The following ARHGAP23 variants were observed in gnomAD, a reference collection of about 807,000 sequenced individuals.
The protein encoded by ARHGAP23 is rho GTPase-activating protein 23.
A neutral mutation model predicts 136.3 loss-of-function variants in ARHGAP23; 34 were observed. The observed-to-expected ratio is 0.25, with a 90% CI of 0.19 to 0.33. The LOEUF (loss-of-function observed/expected upper bound fraction) is 0.33, where lower values mean the gene tolerates loss of function less well. Ranked by LOEUF, ARHGAP23 falls within the 10% of genes least tolerant of loss-of-function variation. The pLI is 1.00. For missense variants in ARHGAP23, 1,808 were observed against 2,139.0 expected, an observed-to-expected ratio of 0.85 and a Z score of 3.05; for synonymous variants, 832 against 920.5, an observed-to-expected ratio of 0.90 and a Z score of 1.74.
At chr17:38,500,783 C>T in intron 23 of ARHGAP23, 155 bp downstream of exon 23, 1 of 710,600 alleles carries the variant, frequency 1.4e-6, no homozygotes, top group Non-Finnish European at 2.4e-6. Context: ...CCAAGGTAAG[C>T]TGAGAAATTG....
At chr17:38,504,978 C>CTTTTTTTTTTTTTTTTTTTTTTTTTT in intron 23 of ARHGAP23, among the ~76,000 whole-genome samples, 1 of 43,112 alleles carries the variant, frequency 2.3e-5, no homozygotes, top group Non-Finnish European at 4.9e-5. Context: ...CCCTTATCAT[C>CTTTTTTTTTTTTTTTTTTTTTTTTTT]TTTTTTTTTT....
intron 16 of ARHGAP23, among the ~76,000 whole-genome samples, chr17:38,485,211 C>T (rs1225678817): frequency 3.3e-5 from 5 of 152,122 alleles, no homozygotes; most frequent in African/African-American, 1.2e-4. Context: ...TTGACATCAT[C>T]CCTGGCCTCG....
chr17:38,507,937 G>A (rs1317784673), intron 23 of ARHGAP23, among the ~76,000 whole-genome samples: 1 of 152,268 alleles, frequency 6.6e-6, no homozygotes, highest in Admixed American at 6.5e-5. Flanking sequence ...CTGTGAGGAG[G>A]GGTTGAAAGG....
upstream of ARHGAP23, among the ~76,000 whole-genome samples, chr17:38,426,550 C>CAAAAAAAAAA (rs751365956): frequency 5.7e-3 from 294 of 51,194 alleles, 16 homozygotes; most frequent in African/African-American, 0.02. Context: ...AACTCCATCT[C>CAAAAAAAAAA]AAAAAAAAAA....
At position 38,479,800 on chromosome 17, in the gene ARHGAP23, G is replaced by T; in HGVS notation, c.2546G>T (p.Gly849Val). The change falls in exon 14 of 24, where the codon GGC becomes GTC. Residue 849 changes from glycine to valine, a missense_variant. Coordinates refer to ENST00000622683, the MANE Select transcript of ARHGAP23 (RefSeq NM_001199417.2). Reference sequence around the variant, plus strand: ...GATTCCTCCCCCAAAGGCTCTCGCGGCCTGGGGGGCCTCAAGTCTGAGTTC... The same window carrying T: ...GATTCCTCCCCCAAAGGCTCTCGCGTCCTGGGGGGCCTCAAGTCTGAGTTC... Reference protein sequence around the residue: ...KADSSPKGSRGLGGLKSEFLK... With the variant: ...KADSSPKGSRVLGGLKSEFLK... 1 of 1,522,430 alleles carries T rather than the reference G, an allele frequency of 6.6e-7. No homozygotes were observed. Among genetic ancestry groups the T allele is most frequent in the Non-Finnish European group, 8.8e-7 (1 of 1,132,470 alleles). 94.3% of individuals were successfully genotyped at this position (1,522,430 alleles called of 1,614,324 possible).
chr17:38,481,153 T>A (rs2144716029), intron 14 of ARHGAP23, among the ~76,000 whole-genome samples: 1 of 151,518 alleles, frequency 6.6e-6, no homozygotes, highest in African/African-American at 2.4e-5. Context: ...TTTTTTTTTT[T>A]TATTTTTTTT....
At chr17:38,475,862 T>C (rs2039880949) in intron 11 of ARHGAP23, among the ~76,000 whole-genome samples, 1 of 151,838 alleles carries the variant, frequency 6.6e-6, no homozygotes, top group Non-Finnish European at 1.5e-5. Flanking sequence ...GAGGGAAAAA[T>C]ATGGCCAGAG....
At chr17:38,443,285 G>A (rs987726005) in intron 1 of ARHGAP23, among the ~76,000 whole-genome samples, 1 of 152,212 alleles carries the variant, frequency 6.6e-6, no homozygotes, top group Non-Finnish European at 1.5e-5. Context: ...CAGGTGGTGG[G>A]TGCTGGGTGC....
intron 1 of ARHGAP23, chr17:38,454,044 C>G (rs555637438): frequency 1.4e-5 from 2 of 148,056 alleles, no homozygotes; most frequent in East Asian, 2.0e-4. Flanking sequence ...GGGAGCGCGC[C>G]GTCGGCGTGG....
intron 1 of ARHGAP23, among the ~76,000 whole-genome samples, chr17:38,454,485 A>AGG (rs2039277667): frequency 6.6e-6 from 1 of 152,092 alleles, no homozygotes; most frequent in South Asian, 2.1e-4. Context: ...ATGGGTGGGC[A>AGG]GGGACCCCGA....
chr17:38,491,748 G>A (rs61701255), intron 20 of ARHGAP23: 139,518 of 650,808 alleles, frequency 0.21, 15,748 homozygotes, highest in East Asian at 0.32. Flanking sequence ...GCCCTGGGAT[G>A]TTGTGTCCCC....
chr17:38,471,268 G>A (rs1369828376), intron 10 of ARHGAP23, among the ~76,000 whole-genome samples: 1 of 152,214 alleles, frequency 6.6e-6, no homozygotes, highest in African/African-American at 2.4e-5. Context: ...TTCCCTGGCT[G>A]TTTTTGATTA....
chr17:38,493,250 T>C (rs540464152), intron 20 of ARHGAP23, among the ~76,000 whole-genome samples: 42 of 150,198 alleles, frequency 2.8e-4, no homozygotes, highest in African/African-American at 1.0e-3. Flanking sequence ...TCGCCCACAC[T>C]GGAGTGCAGT....
At chr17:38,422,971 G>A (rs2038533765) in intron 1 of ARHGAP23, among the ~76,000 whole-genome samples, 1 of 152,128 alleles carries the variant, frequency 6.6e-6, no homozygotes, top group African/African-American at 2.4e-5. Flanking sequence ...TTTGCTAGTA[G>A]AGGGCTTTGA....
chr17:38,425,167 G>A (rs985890684), upstream of ARHGAP23, among the ~76,000 whole-genome samples: 3 of 152,158 alleles, frequency 2.0e-5, no homozygotes, highest in East Asian at 5.8e-4. Flanking sequence ...AGCCCCTCCA[G>A]CGTCACACCC....
Position 38,482,110 on chromosome 17 carries a change from G to A in ARHGAP23, c.2718G>A (p.Arg906=). Residue 906 remains arginine (R), a synonymous_variant, in exon 15 of 24, where the codon AGG becomes AGA. Transcript: ENST00000622683. ...CCGCTCCGAGGGCGTTTGGGGTCAGGCTGGAGGAGTGCCAGCCAGCCACGG... is the reference window on the plus strand; with the variant it reads ...CCGCTCCGAGGGCGTTTGGGGTCAGACTGGAGGAGTGCCAGCCAGCCACGG... ...KKAAPRAFGV[R]LEECQPATEN... 1 of 1,550,112 alleles carries A rather than the reference G, an allele frequency of 6.5e-7. No individual in the cohort carries two copies. Among genetic ancestry groups the A allele is most frequent in the South Asian group, 1.2e-5 (1 of 83,888 alleles).
intron 14 of ARHGAP23, 132 bp from the exon 15 acceptor site, chr17:38,481,889 TC>T: frequency 1.1e-6 from 1 of 873,398 alleles, no homozygotes; most frequent in East Asian, 3.2e-5. Context: ...CCATACAATG[TC>T]CCATCAGCCC....
At chr17:38,478,225 C>T (rs1318137725) in intron 12 of ARHGAP23, among the ~76,000 whole-genome samples, 1 of 152,166 alleles carries the variant, frequency 6.6e-6, no homozygotes, top group African/African-American at 2.4e-5. Context: ...CAGCTTTTCT[C>T]AGCAGGCGAG....
rs74780492 is a variant in ARHGAP23, at chr17:38,422,833, T to C, written n.120+3434T>C. 1.6e-3 allele frequency among the ~76,000 whole-genome samples: 239 copies of C among 152,310 alleles called. 1 individual carries two copies. Among genetic ancestry groups the C allele is most frequent in the African/African-American group, 5.6e-3 (231 of 41,570 alleles). ...CCTGACACCAGGGATGAGTGGGAAC[T>C]GGCATCATCTTGAGTGGACCATTGC... is the stretch of plus-strand genomic sequence containing the variant. On this transcript the variant is annotated intron_variant and non_coding_transcript_variant, in intron 1 of 4. Transcript: ENST00000633445.
Sources: gnomAD v4.1 joint callset for allele counts (sites outside exome capture counted in the v4.1 genomes callset) on GRCh38, gnomAD v4.1.1 for gene constraint, MANE v1.5 for transcripts, NCBI Gene and HGNC (gene_info 2026-07-23, HGNC 2026-07-21) for gene names.